The following SIPA1L3 variants were observed in gnomAD, a reference collection of about 807,000 sequenced individuals.
SIPA1L3 encodes the protein signal-induced proliferation-associated 1-like protein 3.
SIPA1L3 carries 59 observed loss-of-function variants against 150.1 expected under a neutral mutation model. The ratio of observed to expected loss-of-function variants is 0.39; its 90% CI spans 0.32 to 0.49. The LOEUF is 0.49. Ranked by LOEUF, SIPA1L3 falls within the 20% of genes least tolerant of loss-of-function variation. SIPA1L3 has a pLI of 0.86. For missense variants in SIPA1L3, 2,211 were observed against 2,489.5 expected (o/e 0.89, Z 2.38); for synonymous variants, 1,070 against 1,077.6 (o/e 0.99, Z 0.14).
chr19:38,034,424 C>G (rs1968732249), intron 2 of SIPA1L3, among the ~76,000 whole-genome samples: 1 of 151,956 alleles, frequency 6.6e-6, no homozygotes, highest in Non-Finnish European at 1.5e-5. Context: ...GGTGAAGCTG[C>G]CTGCCAGGTA....
chr19:38,094,492 C>T (rs1411002714), intron 4 of SIPA1L3, among the ~76,000 whole-genome samples: 1 of 152,130 alleles, frequency 6.6e-6, no homozygotes, highest in South Asian at 2.1e-4. Flanking sequence ...CTCAGGTGAC[C>T]CTCCTCCTTT....
Position 38,081,307 on chromosome 19 carries a change from A to T in SIPA1L3, c.-259A>T. 1 of 436,656 alleles carries T rather than the reference A, an allele frequency of 2.3e-6. No homozygotes were observed. Among genetic ancestry groups the T allele is most frequent in the African/African-American group, 2.0e-5 (1 of 50,436 alleles). The allele number at this position is 436,656 out of a possible 1,614,324, so 27.0% of individuals were successfully genotyped here. On this transcript the variant is annotated 5_prime_UTR_variant, in exon 3 of 22. Coordinates refer to ENST00000222345, the MANE Select transcript of SIPA1L3 (RefSeq NM_015073.3). ...CTCCAGCTGGCGGGCGACCACAGCT[A>T]CTGCCTGCTCTGCGCTACTGAGCCA...
intron 13 of SIPA1L3, 90 bp from the exon 14 acceptor site, chr19:38,162,163 G>T: frequency 2.1e-6 from 2 of 942,608 alleles, no homozygotes; most frequent in Non-Finnish European, 3.5e-6. Context: ...CATGCCGTGG[G>T]TGAGCAGACA....
Position 38,182,527 on chromosome 19 carries a change from G to A in SIPA1L3, c.4217G>A (p.Gly1406Asp), listed in dbSNP as rs1434232196. Residue 1406 changes from glycine to aspartate, a missense_variant, in exon 16 of 22, where the codon GGC becomes GAC. Around this residue, in one of 5 missense-constraint regions of SIPA1L3, gnomAD observed 806 missense variants for 870.1 expected, o/e 0.93. Coordinates refer to ENST00000222345, the MANE Select transcript of SIPA1L3 (RefSeq NM_015073.3). ...TCATTTTTGCTTTGCAGTGACATGG[G>A]CTCGAGGGTTGGCTACCCCGCTCAG... is the stretch of plus-strand genomic sequence containing the variant. The part of the protein sequence containing the change: ...RDPPRQPSDM[G>D]SRVGYPAQVY... 2 of 1,607,430 alleles carry A rather than the reference G, an allele frequency of 1.2e-6. No individual in the cohort carries two copies. The highest frequency in any genetic ancestry group is 2.7e-5 in the African/African-American group (2 of 74,668).
chr19:37,911,250 C>CGTGTGTGT (rs34936249), intron 1 of SIPA1L3, among the ~76,000 whole-genome samples: 1 of 149,634 alleles, frequency 6.7e-6, no homozygotes, highest in African/African-American at 2.5e-5. Flanking sequence ...TATGTATGTG[C>CGTGTGTGT]GTGTGTGTGT....
At chr19:38,050,391 GGTTGAAGTGAGCCAAGATCA>G (rs67888223) in intron 2 of SIPA1L3, among the ~76,000 whole-genome samples, 60,918 of 151,742 alleles carry the variant, frequency 0.4, 13,742 homozygotes, top group African/African-American at 0.62. Context: ...AGGAGGCAAA[GGTTGAAGTGAGCCAAGATCA>G]CACCACTGCA....
chr19:38,206,020 C>T, intron 21 of SIPA1L3, 77 bp from the exon 22 acceptor site: 1 of 1,438,194 alleles, frequency 7.0e-7, no homozygotes, highest in South Asian at 1.4e-5. Context: ...CCAGGGCTCA[C>T]AGGCCTCAGG....
rs55737969 is a variant in SIPA1L3 at position 38,002,717 on chromosome 19, C to CAAAAAAA, written c.-378-26351_-378-26345dup. On this transcript the variant is annotated intron_variant, in intron 1 of 21. Transcript: ENST00000222345. ...CTGGTGACAGAGCGAGACTCCATCT[C>CAAAAAAA]AAAAAAAAAAAAAAAAAAAAAAAAA... 1.3e-3 allele frequency among the ~76,000 whole-genome samples: 79 copies of CAAAAAAA among 61,412 alleles called. 2 individuals are homozygous for CAAAAAAA. The highest frequency in any genetic ancestry group is 3.8e-3 in the African/African-American group (53 of 13,994). The allele number at this position is 61,412 out of a possible 152,430, so 40.3% of individuals were successfully genotyped here.
At chr19:38,199,556 G>A (rs1973039171) in intron 19 of SIPA1L3, among the ~76,000 whole-genome samples, 1 of 152,170 alleles carries the variant, frequency 6.6e-6, no homozygotes, top group Non-Finnish European at 1.5e-5. Flanking sequence ...AGTCGCCTAG[G>A]GAGCTTTTTG....
intron 9 of SIPA1L3, among the ~76,000 whole-genome samples, 154 bp from the exon 10 acceptor site, chr19:38,130,344 G>A (rs1300276821): frequency 3.3e-5 from 5 of 152,254 alleles, no homozygotes; most frequent in African/African-American, 1.2e-4. Flanking sequence ...CCGGGTGCGT[G>A]TTCCCCCTGC....
intron 1 of SIPA1L3, among the ~76,000 whole-genome samples, chr19:38,020,275 C>T (rs537375541): frequency 6.6e-5 from 10 of 152,138 alleles, no homozygotes; most frequent in East Asian, 3.9e-4. Context: ...GGTAAGTCAC[C>T]GTAGACTTTC....
At chr19:38,018,517 A>G (rs1033118997) in intron 1 of SIPA1L3, among the ~76,000 whole-genome samples, 18 of 152,086 alleles carry the variant, frequency 1.2e-4, no homozygotes, top group African/African-American at 4.3e-4. Flanking sequence ...GGAACTGTAT[A>G]ATCCATGGTC....
At position 38,174,254 on chromosome 19, in the gene SIPA1L3, A is replaced by G. The variant is rs112146517; in HGVS notation, c.4209-8265A>G. 1.5e-3 allele frequency among the ~76,000 whole-genome samples: 229 copies of G among 152,284 alleles called. 2 individuals are homozygous for G. The highest frequency in any genetic ancestry group is 5.3e-3 in the African/African-American group (220 of 41,548). ...TGAAGACCCGTCGCTTCTGCCCCAC[A>G]GGCCACAGGGGCAATGTGGCTGCTT... On this transcript the variant is annotated intron_variant, in intron 15 of 21. Coordinates refer to ENST00000222345, the MANE Select transcript of SIPA1L3 (RefSeq NM_015073.3).
At chr19:38,193,388 A>C in intron 17 of SIPA1L3, 149 bp from the exon 18 acceptor site, 2 of 748,994 alleles carry the variant, frequency 2.7e-6, no homozygotes, top group Non-Finnish European at 3.5e-6. Flanking sequence ...GGAGGAAGGG[A>C]GGGAGGGAGG....
At chr19:37,928,283 G>A (rs1400824200) in intron 1 of SIPA1L3, among the ~76,000 whole-genome samples, 1 of 152,046 alleles carries the variant, frequency 6.6e-6, no homozygotes, top group African/African-American at 2.4e-5. Context: ...TTTCAAACCC[G>A]AGCAAGACCA....
intron 1 of SIPA1L3, among the ~76,000 whole-genome samples, chr19:37,993,580 G>A (rs978187051): frequency 1.3e-5 from 2 of 152,184 alleles, no homozygotes; most frequent in Admixed American, 6.5e-5. Context: ...AGCATCATAA[G>A]TGGAAAGTGT....
intron 1 of SIPA1L3, among the ~76,000 whole-genome samples, chr19:37,975,120 C>T (rs756171016): frequency 6.6e-6 from 1 of 152,184 alleles, no homozygotes; most frequent in African/African-American, 2.4e-5. Flanking sequence ...AAGCAAATCC[C>T]GGCCGTCGTG....
chr19:38,075,770 ACT>A (rs1969824038), intron 2 of SIPA1L3, among the ~76,000 whole-genome samples: 1 of 151,060 alleles, frequency 6.6e-6, no homozygotes, highest in African/African-American at 2.4e-5. Flanking sequence ...ACAGAGCAAC[ACT>A]CTGTCTCAAA....
chr19:38,037,296 T>C (rs1039493971), intron 2 of SIPA1L3, among the ~76,000 whole-genome samples: 3 of 152,022 alleles, frequency 2.0e-5, no homozygotes, highest in African/African-American at 7.3e-5. Flanking sequence ...AGGACTGACG[T>C]TTGGGAGGAG....
Sources: gnomAD v4.1 joint callset for allele counts (sites outside exome capture counted in the v4.1 genomes callset) on GRCh38, gnomAD v4.1.1 for gene constraint, gnomAD v4.1.1 regional missense constraint, MANE v1.5 for transcripts, NCBI Gene and HGNC (gene_info 2026-07-23, HGNC 2026-07-21) for gene names.